The following TRAPPC10 variants were observed in gnomAD, a reference collection of about 807,000 sequenced individuals.
TRAPPC10 encodes the protein trafficking protein particle complex subunit 10, also known as TRAPP 130 kDa subunit.
TRAPPC10 carries 23 observed loss-of-function variants against 125.5 expected under a neutral mutation model. The ratio of observed to expected loss-of-function variants is 0.18; its 90% CI spans 0.13 to 0.26. TRAPPC10 has a LOEUF of 0.26. TRAPPC10 is among the 10% of genes least tolerant of loss of function. The probability of loss-of-function intolerance (pLI) is 1.00; values close to 1 mark genes in which losing one functional copy is unlikely to be tolerated. For synonymous variants in TRAPPC10, 509 were observed against 518.0 expected, an observed-to-expected ratio of 0.98 and a Z score of 0.24; for missense variants, 1,123 against 1,308.4, an observed-to-expected ratio of 0.86 and a Z score of 2.19.
chr21:44,070,007 G>A (rs1184922350), intron 7 of TRAPPC10, among the ~76,000 whole-genome samples: 1 of 151,894 alleles, frequency 6.6e-6, no homozygotes, highest in Non-Finnish European at 1.5e-5. Context: ...GATAAGAGAG[G>A]GCATACTTTT....
Position 44,017,591 on chromosome 21 carries a change from GA to G in TRAPPC10, c.67+5039del, listed in dbSNP as rs945853959. Reference sequence around the variant, plus strand: ...TATTATGTCCTAACAAGAGCTGTTTGAAAAAAAATATATATAAGTTGGAAGA... The same window carrying G: ...TATTATGTCCTAACAAGAGCTGTTTGAAAAAAATATATATAAGTTGGAAGA... On this transcript the variant is annotated intron_variant, in intron 1 of 22. Transcript: ENST00000291574. 5.0e-4 allele frequency among the ~76,000 whole-genome samples: 76 copies of G among 151,542 alleles called. 1 individual carries two copies. In the Middle Eastern group the frequency reaches 0.02, roughly 41 times the overall value.
intron 3 of TRAPPC10, among the ~76,000 whole-genome samples, chr21:44,047,390 A>G (rs2034910167): frequency 1.3e-5 from 2 of 152,070 alleles, no homozygotes; most frequent in Admixed American, 1.3e-4. Context: ...CATGTTGGCC[A>G]GGCTGGTCTC....
intron 2 of TRAPPC10, among the ~76,000 whole-genome samples, chr21:44,036,079 C>T (rs1321486628): frequency 6.6e-6 from 1 of 152,034 alleles, no homozygotes; most frequent in African/African-American, 2.4e-5. Context: ...GAACAGAGGA[C>T]AGGTGACATT....
At chr21:44,076,659 C>G in intron 10 of TRAPPC10, 31 bp downstream of exon 10, 1 of 1,527,692 alleles carries the variant, frequency 6.5e-7, no homozygotes. Context: ...AATGTCTGTT[C>G]TGTGAATACC....
At chr21:44,050,000 C>T (rs1467320930) in intron 3 of TRAPPC10, among the ~76,000 whole-genome samples, 1 of 152,056 alleles carries the variant, frequency 6.6e-6, no homozygotes, top group Non-Finnish European at 1.5e-5. Context: ...CTGCCTCAGC[C>T]TCCTGGGTAG....
Position 44,041,143 on chromosome 21 carries a change from TTTAC to T in TRAPPC10, c.285+3223_285+3226del, listed in dbSNP as rs1017654538. On this transcript the variant is annotated intron_variant, in intron 3 of 22. Transcript: ENST00000291574. ...AATTCATTAAAATAATTTGGAAGTT[TTTAC>T]TTACTTTCTGTTTCTGAAGTCATTT... Among the ~76,000 whole-genome samples, 138 of 152,264 alleles carry T rather than the reference TTTAC, an allele frequency of 9.1e-4. 1 individual carries two copies. The highest frequency in any genetic ancestry group is 1.6e-4 in the Non-Finnish European group (11 of 68,028).
rs1353760874 is a variant in TRAPPC10, at chr21:44,089,822, TTCC to T, written c.2770-5_2770-3del. ...GAGTGGTCTGAGAGTGTCTTTGTGC[TTCC>T]TCCTCAGGTGTCGATTGACTGCCCG... is the stretch of plus-strand genomic sequence containing the variant. On this transcript the variant is annotated splice_region_variant and splice_polypyrimidine_tract_variant and intron_variant, in intron 17 of 22. Coordinates refer to ENST00000291574, the MANE Select transcript of TRAPPC10 (RefSeq NM_003274.5). 1 of 1,610,902 alleles carries T rather than the reference TTCC, an allele frequency of 6.2e-7. No individual in the cohort carries two copies. Among genetic ancestry groups the T allele is most frequent in the Admixed American group, 1.7e-5 (1 of 59,962 alleles).
chr21:44,080,134 C>T lies in TRAPPC10; in HGVS notation c.1723+7C>T, dbSNP rs756513789. The T allele has an allele frequency of 6.2e-7, 1 of 1,606,290 alleles. No individual in the cohort carries two copies. Among genetic ancestry groups the T allele is most frequent in the South Asian group, 1.1e-5 (1 of 90,934 alleles). On this transcript the variant is annotated splice_region_variant and intron_variant, in intron 13 of 22. Transcript: ENST00000291574. The stretch of plus-strand genomic sequence containing the variant: ...CAGCCGTCAGACAGCCCAGGTAAGA[C>T]CAGTTCTTACAACTTGACTAGGAAT...
In TRAPPC10 at chr21:44,082,676, C is replaced by T; in HGVS notation, c.1724-112C>T. ...CTGGGCTCAGCTGCTGTGCCCATCA[C>T]TGCTGCTTGCTTCAGTCTGCTCTCG... On this transcript the variant is annotated intron_variant, in intron 13 of 22. Coordinates refer to ENST00000291574, the MANE Select transcript of TRAPPC10 (RefSeq NM_003274.5). The surrounding 1 kb of genome is among the most constrained non-coding windows in gnomAD (Gnocchi z 4.4). The T allele has an allele frequency of 8.1e-7, 1 of 1,239,122 alleles. No homozygotes were observed. The highest frequency in any genetic ancestry group is 1.8e-5 in the Admixed American group (1 of 55,034). The allele number at this position is 1,239,122 out of a possible 1,614,324, so 76.8% of individuals were successfully genotyped here.
intron 1 of TRAPPC10, among the ~76,000 whole-genome samples, chr21:44,023,305 G>A (rs2032736916): frequency 6.6e-6 from 1 of 152,006 alleles, no homozygotes; most frequent in African/African-American, 2.4e-5. Context: ...AAAGTGCTGG[G>A]ATTACAGATG....
chr21:44,016,806 C>A (rs2031900577), intron 1 of TRAPPC10, among the ~76,000 whole-genome samples: 1 of 152,068 alleles, frequency 6.6e-6, no homozygotes, highest in Non-Finnish European at 1.5e-5. Context: ...CTACAGGCGC[C>A]CGCCACCACG....
intron 1 of TRAPPC10, among the ~76,000 whole-genome samples, chr21:44,014,609 A>G (rs1444465228): frequency 9.8e-6 from 1 of 102,478 alleles, no homozygotes; most frequent in Non-Finnish European, 1.9e-5. Flanking sequence ...TTTTTTTTTC[A>G]GTAGAGACAG....
rs1238153067 is a variant in TRAPPC10 at position 44,055,889 on chromosome 21, T to G, written c.674T>G (p.Val225Gly). ...TGGAGCTTTTGTGAATATTTCATGGTTCAGGTACTTGACTCATTACAGAAC... is the reference window on the plus strand; with the variant it reads ...TGGAGCTTTTGTGAATATTTCATGGGTCAGGTACTTGACTCATTACAGAAC... Reference protein sequence around the residue: ...PGWSFCEYFMVQEELAFVFEM... With the variant: ...PGWSFCEYFMGQEELAFVFEM... Residue 225 changes from valine to glycine, a missense_variant, in exon 5 of 23, where the codon GTT (valine) becomes GGT (glycine). Val to Gly is a moderately radical substitution (Grantham distance 109, BLOSUM62 -3). Coordinates refer to ENST00000291574, the MANE Select transcript of TRAPPC10 (RefSeq NM_003274.5). 1 of 1,599,952 alleles carries G rather than the reference T, an allele frequency of 6.3e-7. No individual in the cohort carries two copies. The highest frequency in any genetic ancestry group is 8.6e-7 in the Non-Finnish European group (1 of 1,168,792).
chr21:44,083,440 C>T (rs1280117762), intron 14 of TRAPPC10, 138 bp downstream of exon 14: 15 of 895,394 alleles, frequency 1.7e-5, no homozygotes, highest in Non-Finnish European at 2.2e-5. Context: ...TGTCCTTATA[C>T]AAAAATACAC....
intron 13 of TRAPPC10, among the ~76,000 whole-genome samples, chr21:44,081,641 C>T (rs1057401895): frequency 1.3e-5 from 2 of 152,170 alleles, no homozygotes; most frequent in African/African-American, 4.8e-5. Context: ...CTTCTGCCTG[C>T]CCTGGGAGGC....
intron 1 of TRAPPC10, among the ~76,000 whole-genome samples, chr21:44,020,973 A>G (rs560022613): frequency 6.6e-6 from 1 of 152,356 alleles, no homozygotes; most frequent in East Asian, 1.9e-4. Flanking sequence ...ATCTGTTCAC[A>G]TGGAAGCAGG....
Position 44,064,336 on chromosome 21 carries a change from TGTGA to T in TRAPPC10, c.1038+555_1038+558del, listed in dbSNP as rs1287571588. Reference sequence around the variant, plus strand: ...GTGTGTGTGTGTGTGTGTGTGTGTGTGTGAGTGTGAGAATGTAGTTAGTAAAACA... The same window carrying T: ...GTGTGTGTGTGTGTGTGTGTGTGTGTGTGTGAGAATGTAGTTAGTAAAACA... On this transcript the variant is annotated intron_variant, in intron 7 of 22. Coordinates refer to ENST00000291574, the MANE Select transcript of TRAPPC10 (RefSeq NM_003274.5). Among the ~76,000 whole-genome samples the T allele has an allele frequency of 7.0e-3, 955 of 136,752 alleles. 9 individuals are homozygous for T. The highest frequency in any genetic ancestry group is 0.027 in the African/African-American group (883 of 32,316). The allele number at this position is 136,752 out of a possible 152,430, so 89.7% of individuals were successfully genotyped here.
chr21:44,042,433 TA>T (rs1569159774), intron 3 of TRAPPC10, among the ~76,000 whole-genome samples: 1 of 152,174 alleles, frequency 6.6e-6, no homozygotes, highest in Non-Finnish European at 1.5e-5. Flanking sequence ...AAAAAAAGAT[TA>T]AAAAAATTTT....
At chr21:44,050,143 C>T (rs1392478822) in intron 3 of TRAPPC10, among the ~76,000 whole-genome samples, 3 of 152,174 alleles carry the variant, frequency 2.0e-5, no homozygotes, top group Non-Finnish European at 4.4e-5. Flanking sequence ...TGCTGGTCCT[C>T]TTAAGAGTCA....
Sources: allele counts gnomAD v4.1 joint callset (sites outside exome capture counted in the v4.1 genomes callset), GRCh38; gene constraint gnomAD v4.1.1; non-coding constraint Gnocchi (gnomAD v3.1); transcripts MANE v1.5; gene names NCBI Gene and HGNC (gene_info 2026-07-23, HGNC 2026-07-21).